Variants in GRIA4 observed in about 807,000 individuals in gnomAD.
GRIA4 encodes the protein glutamate receptor 4.
Under a neutral mutation model 104.0 loss-of-function variants are expected in GRIA4, and 34 were observed. The ratio of observed to expected loss-of-function variants is 0.33; its 90% CI spans 0.25 to 0.44. GRIA4 has a LOEUF of 0.44. GRIA4 is among the 20% of genes least tolerant of loss of function. The pLI, the probability that GRIA4 is intolerant of heterozygous loss-of-function variation, is 1.00. For synonymous variants in GRIA4, 386 were observed against 381.9 expected, an observed-to-expected ratio of 1.01 and a Z score of -0.13; for missense variants, 750 against 1,096.5, an observed-to-expected ratio of 0.68 and a Z score of 4.46.
At chr11:105,679,783 A>G (rs1952653004) in intron 3 of GRIA4, among the ~76,000 whole-genome samples, 1 of 152,130 alleles carries the variant, frequency 6.6e-6, no homozygotes. Flanking sequence ...ATTTATAACA[A>G]CCTTCTTTCA....
chr11:105,955,793 T>C (rs680049), intron 14 of GRIA4, among the ~76,000 whole-genome samples: 152,117 of 152,320 alleles, frequency 1, 75,957 homozygotes, highest in Middle Eastern at 1. Flanking sequence ...TGTTTCCTGA[T>C]TTTTTAAAAA....
At position 105,736,907 on chromosome 11, in the gene GRIA4, A is replaced by G. The variant is rs569728768; in HGVS notation, c.248-16074A>G. Among the ~76,000 whole-genome samples the G allele has an allele frequency of 5.9e-4, 90 of 152,192 alleles. 2 individuals are homozygous for G. The highest frequency in any genetic ancestry group is 5.8e-3 in the Admixed American group (89 of 15,244). ...TTCTATTCTACTATTACAATTTCCT[A>G]AAACCCAAAGCACTTACTGCTTTCA... is the stretch of plus-strand genomic sequence containing the variant. On this transcript the variant is annotated intron_variant, in intron 3 of 16. Coordinates refer to ENST00000282499, the MANE Select transcript of GRIA4 (RefSeq NM_000829.4).
chr11:105,715,265 CG>C (rs1374406144), intron 3 of GRIA4, among the ~76,000 whole-genome samples: 1 of 152,112 alleles, frequency 6.6e-6, no homozygotes, highest in Non-Finnish European at 1.5e-5. Flanking sequence ...GCTGAAGGCA[CG>C]TTGTTGAGGA....
At chr11:105,846,668 A>C (rs746595052) in intron 4 of GRIA4, among the ~76,000 whole-genome samples, 2 of 152,202 alleles carry the variant, frequency 1.3e-5, no homozygotes, top group Non-Finnish European at 2.9e-5. Flanking sequence ...CAGTGAGGAA[A>C]ACAAAATTAT....
intron 3 of GRIA4, among the ~76,000 whole-genome samples, chr11:105,727,486 T>C (rs537760307): frequency 3.7e-4 from 57 of 152,132 alleles, no homozygotes; most frequent in African/African-American, 1.3e-3. Context: ...TTCCCCAACA[T>C]AGCAAGACAG....
chr11:105,926,171 C>G (rs1947698640), intron 12 of GRIA4, among the ~76,000 whole-genome samples: 1 of 152,062 alleles, frequency 6.6e-6, no homozygotes, highest in Non-Finnish European at 1.5e-5. Context: ...CGGGTCCAAT[C>G]TCACCTTGGC....
chr11:105,772,998 A>T (rs760761196), intron 4 of GRIA4, among the ~76,000 whole-genome samples: 4 of 152,178 alleles, frequency 2.6e-5, no homozygotes, highest in Non-Finnish European at 5.9e-5. Flanking sequence ...AGCAAAATGA[A>T]TTCAACAATG....
intron 4 of GRIA4, among the ~76,000 whole-genome samples, chr11:105,767,785 G>A (rs1168399345): frequency 6.6e-6 from 1 of 151,950 alleles, no homozygotes; most frequent in Non-Finnish European, 1.5e-5. Context: ...AGAAAAATGC[G>A]ACCCATAGAG....
rs558467032 is a variant in GRIA4, at chr11:105,843,781, C to T, written c.488-18243C>T. Among the ~76,000 whole-genome samples the T allele has an allele frequency of 1.8e-4, 28 of 152,202 alleles. No individual in the cohort carries two copies. In the East Asian group the frequency reaches 4.6e-3, roughly 25 times the overall value. ...AGAAGCATAGATATTGACCTTTGGCCAGATAAGGATGAGAAAAATGATACA... is the reference window on the plus strand; with the variant it reads ...AGAAGCATAGATATTGACCTTTGGCTAGATAAGGATGAGAAAAATGATACA... On this transcript the variant is annotated intron_variant, in intron 4 of 16. Transcript: ENST00000282499.
chr11:105,881,364 C>A (rs1946051469), intron 5 of GRIA4, among the ~76,000 whole-genome samples: 1 of 152,084 alleles, frequency 6.6e-6, no homozygotes, highest in South Asian at 2.1e-4. Flanking sequence ...CAGGTGCTGG[C>A]AGTTGGAAGG....
intron 7 of GRIA4, 110 bp downstream of exon 7, chr11:105,898,537 G>GA: frequency 3.0e-6 from 2 of 677,932 alleles, no homozygotes; most frequent in East Asian, 2.8e-5. Context: ...TATGGCATGG[G>GA]AAAAAAGCAT....
At chr11:105,760,861 T>A (rs1940598461) in intron 4 of GRIA4, among the ~76,000 whole-genome samples, 1 of 152,152 alleles carries the variant, frequency 6.6e-6, no homozygotes, top group Non-Finnish European at 1.5e-5. Flanking sequence ...ATTTTTTTCA[T>A]GTTCGAGTAC....
chr11:105,722,743 T>C (rs983915152), intron 3 of GRIA4, among the ~76,000 whole-genome samples: 1 of 152,128 alleles, frequency 6.6e-6, no homozygotes, highest in African/African-American at 2.4e-5. Context: ...TATAATGGTA[T>C]ATGTATTTTA....
intron 4 of GRIA4, among the ~76,000 whole-genome samples, chr11:105,811,833 G>C (rs188440362): frequency 6.6e-6 from 1 of 152,296 alleles, no homozygotes; most frequent in Admixed American, 6.5e-5. Context: ...GCAGGTAACT[G>C]ACATTCAGGG....
chr11:105,640,483 T>C (rs896178221), intron 3 of GRIA4, among the ~76,000 whole-genome samples: 8 of 151,942 alleles, frequency 5.3e-5, no homozygotes, highest in African/African-American at 1.9e-4. Context: ...CACTTAATTA[T>C]AATATATATT....
chr11:105,881,818 C>A (rs565652087), intron 5 of GRIA4, among the ~76,000 whole-genome samples: 1 of 152,074 alleles, frequency 6.6e-6, no homozygotes, highest in Non-Finnish European at 1.5e-5. Context: ...CATTACCTAG[C>A]CTCCTCCTAA....
chr11:105,919,886 C>G (rs909443129), intron 11 of GRIA4, among the ~76,000 whole-genome samples: 2 of 152,030 alleles, frequency 1.3e-5, no homozygotes, highest in Admixed American at 6.6e-5. Context: ...TCACAAGACC[C>G]CTTGGAAATG....
At chr11:105,616,738 T>C (rs1950611047) in intron 3 of GRIA4, among the ~76,000 whole-genome samples, 1 of 151,784 alleles carries the variant, frequency 6.6e-6, no homozygotes, top group African/African-American at 2.4e-5. Flanking sequence ...ATACTAGAAT[T>C]AAATACTATT....
At chr11:105,902,804 T>C (rs1223872873) in intron 7 of GRIA4, among the ~76,000 whole-genome samples, 2 of 152,274 alleles carry the variant, frequency 1.3e-5, no homozygotes, top group Admixed American at 1.3e-4. Context: ...GGAGATAATG[T>C]AGTTTTTGCC....
Sources: allele counts gnomAD v4.1 joint callset (sites outside exome capture counted in the v4.1 genomes callset), GRCh38; gene constraint gnomAD v4.1.1; transcripts MANE v1.5; gene names NCBI Gene and HGNC (gene_info 2026-07-23, HGNC 2026-07-21).